Variants in WWOX observed in about 807,000 individuals in gnomAD.
WWOX encodes WW domain containing oxidoreductase, also known as WW domain-containing oxidoreductase.
In WWOX, 69 loss-of-function variants were observed where a neutral mutation model predicts 46.2. The observed-to-expected ratio is 1.49, with a 90% confidence interval of 1.23 to 1.82. The LOEUF (loss-of-function observed/expected upper bound fraction) is 1.82. Among genes scored for constraint, WWOX ranks in the 40% most tolerant of loss-of-function variants. The pLI is 0.00. For missense variants in WWOX, 919 were observed against 542.6 expected, an observed-to-expected ratio of 1.69 and a Z score of -6.89; for synonymous variants, 359 against 202.6, an observed-to-expected ratio of 1.77 and a Z score of -6.56.
intron 8 of WWOX, among the ~76,000 whole-genome samples, chr16:78,580,184 C>T (rs532734498): frequency 1.3e-5 from 2 of 151,952 alleles, no homozygotes; most frequent in Non-Finnish European, 2.9e-5. Flanking sequence ...AGTGATTCTC[C>T]TGCCTCAGCC....
At chr16:78,614,379 A>C (rs11861706) in intron 8 of WWOX, among the ~76,000 whole-genome samples, 1 of 152,200 alleles carries the variant, frequency 6.6e-6, no homozygotes, top group African/African-American at 2.4e-5. Context: ...CATATCTTCA[A>C]TGCATCATTT....
At chr16:78,550,098 C>T (rs1178695994) in intron 8 of WWOX, among the ~76,000 whole-genome samples, 1 of 152,148 alleles carries the variant, frequency 6.6e-6, no homozygotes, top group Non-Finnish European at 1.5e-5. Context: ...AAAAGAGTGG[C>T]TGTGAATCTT....
chr16:78,529,251 G>T (rs939711396), intron 8 of WWOX, among the ~76,000 whole-genome samples: 1 of 152,038 alleles, frequency 6.6e-6, no homozygotes, highest in Non-Finnish European at 1.5e-5. Context: ...TACTGTACCC[G>T]ACCAAGAACT....
intron 1 of WWOX, among the ~76,000 whole-genome samples, chr16:78,100,841 A>T (rs1274869895): frequency 6.6e-6 from 1 of 152,162 alleles, no homozygotes; most frequent in Non-Finnish European, 1.5e-5. Context: ...AGAATCACCT[A>T]GGAAATGTCC....
intron 8 of WWOX, among the ~76,000 whole-genome samples, chr16:78,728,038 T>C (rs1233002222): frequency 7.0e-6 from 1 of 143,834 alleles, no homozygotes; most frequent in Non-Finnish European, 1.5e-5. Context: ...CCTTCCTCTT[T>C]CCTCTCTCCC....
intron 5 of WWOX, among the ~76,000 whole-genome samples, chr16:78,243,810 G>T (rs528025824): frequency 6.6e-6 from 1 of 152,336 alleles, no homozygotes; most frequent in Non-Finnish European, 1.5e-5. Context: ...GCCTCCCAAG[G>T]TGCTGAGATC....
At chr16:78,791,755 C>G (rs571794459) in intron 8 of WWOX, among the ~76,000 whole-genome samples, 1 of 152,108 alleles carries the variant, frequency 6.6e-6, no homozygotes, top group African/African-American at 2.4e-5. Flanking sequence ...TGGCGCCTGC[C>G]TATAATTGCA....
chr16:78,346,969 C>T lies in WWOX; in HGVS notation c.517-39891C>T, dbSNP rs374271629. On this transcript the variant is annotated intron_variant, in intron 5 of 8. Transcript: ENST00000566780. ...TCAACTCCTGACCTCAGGTGATCTG[C>T]CTGCCTCGGCCTCCCAAAGTGCTGG... 2.5e-5 allele frequency among the ~76,000 whole-genome samples: 3 copies of T among 119,674 alleles called. 1 individual carries two copies. Among genetic ancestry groups the T allele is most frequent in the Admixed American group, 2.5e-4 (3 of 12,188 alleles). The allele number at this position is 119,674 out of a possible 152,430, so 78.5% of individuals were successfully genotyped here. A position where few individuals can be genotyped will look rare whatever the true frequency, so the allele number is the denominator to read the frequency against.
chr16:79,059,129 C>T (rs1167116453), intron 8 of WWOX, among the ~76,000 whole-genome samples: 2 of 152,116 alleles, frequency 1.3e-5, no homozygotes, highest in Non-Finnish European at 2.9e-5. Context: ...TAATTTAATT[C>T]ACAGGGAGTC....
intron 8 of WWOX, among the ~76,000 whole-genome samples, chr16:78,449,227 C>G (rs377622655): frequency 1.1e-4 from 16 of 152,212 alleles, no homozygotes; most frequent in African/African-American, 2.4e-4. Context: ...CTGGCTTTAT[C>G]GAAGCATGTA....
rs142596568 is a variant in WWOX, at chr16:78,673,381, A to G, written c.1056+240629A>G. Among the ~76,000 whole-genome samples, 330 of 152,284 alleles carry G rather than the reference A, an allele frequency of 2.2e-3. 1 individual carries two copies. Among genetic ancestry groups the G allele is most frequent in the African/African-American group, 7.6e-3 (314 of 41,568 alleles). On this transcript the variant is annotated intron_variant, in intron 8 of 8. Transcript: ENST00000566780. ...TCTTCGCCTCTCTAACACCACGTTT[A>G]TTCTCCAGCCCAGTTATCTTAGCCA...
At chr16:79,097,343 C>CA (rs1176781702) in intron 8 of WWOX, among the ~76,000 whole-genome samples, 1 of 146,206 alleles carries the variant, frequency 6.8e-6, no homozygotes, top group Admixed American at 6.8e-5. Context: ...TATCTGGCTC[C>CA]AAAACTTTTT....
At chr16:78,733,267 C>A (rs1044555690) in intron 8 of WWOX, among the ~76,000 whole-genome samples, 2 of 152,120 alleles carry the variant, frequency 1.3e-5, no homozygotes, top group Admixed American at 6.5e-5. Context: ...CCAGCCTGGG[C>A]AACATAGGGA....
At chr16:78,842,443 T>G (rs934849648) in intron 8 of WWOX, among the ~76,000 whole-genome samples, 1 of 152,028 alleles carries the variant, frequency 6.6e-6, no homozygotes, top group African/African-American at 2.4e-5. Context: ...TGTGTGGCTA[T>G]GGTGAGCTAG....
intron 8 of WWOX, among the ~76,000 whole-genome samples, chr16:78,573,694 G>C (rs1026864857): frequency 1.3e-5 from 2 of 152,180 alleles, no homozygotes; most frequent in African/African-American, 4.8e-5. Context: ...TGGGTAGCAG[G>C]AATGCTGCAC....
At chr16:78,648,923 C>G (rs371686202) in intron 8 of WWOX, among the ~76,000 whole-genome samples, 26 of 152,146 alleles carry the variant, frequency 1.7e-4, no homozygotes, top group African/African-American at 5.8e-4. Context: ...TCCCACATGG[C>G]TTTTCCTGTT....
chr16:78,383,633 A>T (rs1259960971), intron 5 of WWOX, among the ~76,000 whole-genome samples: 1 of 152,210 alleles, frequency 6.6e-6, no homozygotes, highest in Admixed American at 6.5e-5. Flanking sequence ...AGTTTGTTAG[A>T]CAATTAGAAT....
intron 1 of WWOX, among the ~76,000 whole-genome samples, chr16:78,101,345 C>CTTTTTTTTTTTTT (rs1597193223): frequency 8.0e-5 from 2 of 25,128 alleles, no homozygotes; most frequent in East Asian, 3.8e-3. Flanking sequence ...CCGCTCCCGG[C>CTTTTTTTTTTTTT]CTTTTTTTTT....
At chr16:78,761,014 C>G (rs763155529) in intron 8 of WWOX, among the ~76,000 whole-genome samples, 4 of 152,050 alleles carry the variant, frequency 2.6e-5, no homozygotes, top group African/African-American at 7.2e-5. Flanking sequence ...ACAGGAAAGA[C>G]CCTCCCCCAT....
Sources: gnomAD v4.1 joint callset for allele counts (sites outside exome capture counted in the v4.1 genomes callset) on GRCh38, gnomAD v4.1.1 for gene constraint, MANE v1.5 for transcripts, NCBI Gene and HGNC (gene_info 2026-07-23, HGNC 2026-07-21) for gene names.